The following MYOM1 variants were observed in gnomAD, a reference collection of about 807,000 sequenced individuals.
The protein encoded by MYOM1 is myomesin 1.
Under a neutral mutation model 205.3 loss-of-function variants are expected in MYOM1, and 164 were observed. That is an observed-to-expected ratio of 0.80 (90% CI 0.70 to 0.91). The LOEUF (loss-of-function observed/expected upper bound fraction) is 0.91. Ranked by LOEUF, MYOM1 falls within the 40% of genes least tolerant of loss-of-function variation. MYOM1 has a pLI of 0.00. For missense variants in MYOM1, 2,011 were observed against 2,127.3 expected (o/e 0.95, Z 1.08); for synonymous variants, 772 against 789.4 (o/e 0.98, Z 0.37).
In MYOM1 at chr18:3,152,235, C is replaced by T. The variant is rs1567936851; in HGVS notation, c.1644-342G>A. ...TGGAGAAGATCCCCAAACATCTCCC[C>T]GGCTGATGCCTTCAATTCTACCATT... On this transcript the variant is annotated intron_variant, in intron 11 of 37. Coordinates refer to ENST00000356443, the MANE Select transcript of MYOM1 (RefSeq NM_003803.4). The surrounding 1 kb of genome is among the most constrained non-coding windows in gnomAD (Gnocchi z 4.3). Among the ~76,000 whole-genome samples the T allele has an allele frequency of 6.6e-6, 1 of 152,142 alleles. No individual in the cohort carries two copies. The highest frequency in any genetic ancestry group is 2.4e-5 in the African/African-American group (1 of 41,432).
chr18:3,201,557 TAA>T (rs1598766736), intron 2 of MYOM1, among the ~76,000 whole-genome samples: 2 of 152,022 alleles, frequency 1.3e-5, no homozygotes, highest in Middle Eastern at 3.2e-3. Flanking sequence ...TATATGTATA[TAA>T]GTTTATACAC....
At chr18:3,144,765 A>G (rs2080101555) in intron 13 of MYOM1, among the ~76,000 whole-genome samples, 1 of 152,208 alleles carries the variant, frequency 6.6e-6, no homozygotes, top group South Asian at 2.1e-4. Flanking sequence ...TGGTCAATTC[A>G]TAAGAGGATA....
the MYOM1 span, among the ~76,000 whole-genome samples, chr18:3,229,593 C>A: frequency 7.2e-5 from 11 of 152,278 alleles, no homozygotes; most frequent in Non-Finnish European, 1.2e-4. Context: ...ATAATGTCAT[C>A]AACCAAATAT....
chr18:3,099,728 C>A (rs1368368675), intron 25 of MYOM1, among the ~76,000 whole-genome samples: 3 of 152,202 alleles, frequency 2.0e-5, no homozygotes, highest in African/African-American at 7.2e-5. Flanking sequence ...ATGGTAGGCA[C>A]TGTCTTTATA....
At chr18:3,231,516 A>G in the MYOM1 span, among the ~76,000 whole-genome samples, 2 of 145,862 alleles carry the variant, frequency 1.4e-5, no homozygotes, top group Non-Finnish European at 3.0e-5. Flanking sequence ...AGTCATGTGT[A>G]TCCCTAAAAT....
chr18:3,131,339 AT>A (rs2079872578), intron 17 of MYOM1, 35 bp downstream of exon 17: 2 of 1,606,798 alleles, frequency 1.2e-6, no homozygotes, highest in South Asian at 2.2e-5. Flanking sequence ...AGAAAAATCC[AT>A]TTTTCCCCCA....
At chr18:3,109,953 G>C (rs1412949243) in intron 22 of MYOM1, among the ~76,000 whole-genome samples, 1 of 151,978 alleles carries the variant, frequency 6.6e-6, no homozygotes, top group Non-Finnish European at 1.5e-5. Flanking sequence ...AGAACTCCTG[G>C]TATCCTAATG....
intron 37 of MYOM1, 148 bp from the exon 38 acceptor site, chr18:3,067,703 G>A (rs2078913617): frequency 1.3e-6 from 1 of 788,036 alleles, no homozygotes; most frequent in Non-Finnish European, 2.0e-6. Context: ...TTCTGTGTAT[G>A]CACCTGTGTG....
rs1432810044 is a variant in MYOM1 at position 3,147,151 on chromosome 18, T to A, written c.1900+1994A>T. ...TATATATTATAGATAAATATATATA[T>A]TATATAGAAATATATATATATAAAA... On this transcript the variant is annotated intron_variant, in intron 13 of 37. Transcript: ENST00000356443. 8.0e-5 allele frequency among the ~76,000 whole-genome samples: 9 copies of A among 112,896 alleles called. No homozygotes were observed. In the East Asian group the frequency reaches 1.2e-3, roughly 15 times the overall value. 74.1% of individuals were successfully genotyped at this position (112,896 alleles called of 152,430 possible).
chr18:3,165,031 C>A (rs1484072834), intron 9 of MYOM1, among the ~76,000 whole-genome samples: 1 of 152,044 alleles, frequency 6.6e-6, no homozygotes. Flanking sequence ...TTAGAAGGAC[C>A]TTTCTGCTGA....
At position 3,116,571 on chromosome 18, in the gene MYOM1, C is replaced by T; in HGVS notation, c.3119-56G>A. ...TCATAACAGAGAAAACTCGTCTCCA[C>T]ACGTTTAGAACCACTTGTAAGTCTT... On this transcript the variant is annotated intron_variant, in intron 20 of 37. Coordinates refer to ENST00000356443, the MANE Select transcript of MYOM1 (RefSeq NM_003803.4). 4 of 1,455,330 alleles carry T rather than the reference C, an allele frequency of 2.7e-6. No individual in the cohort carries two copies. The South Asian group carries it at 6.0e-5, about 22-fold the overall frequency. The allele number at this position is 1,455,330 out of a possible 1,614,324, so 90.2% of individuals were successfully genotyped here.
In MYOM1 at chr18:3,067,416, C is replaced by A. The variant is rs771111256; in HGVS notation, c.4904G>T (p.Gly1635Val). The change falls in exon 38 of 38, where the codon GGC (glycine) becomes GTC (valine). Residue 1635 changes from glycine to valine, a missense_variant. Transcript: ENST00000356443. The stretch of plus-strand genomic sequence containing the variant: ...TTTGCCCGAGTCAGCGGTGCTCACG[C>A]CGTTGATGGTGAAGTACGCGGTCCT... ...AGRTAYFTIN[G>V]VSTADSGKYG... 6.2e-7 allele frequency: 1 copy of A among 1,613,554 alleles called. No individual in the cohort carries two copies. The highest frequency in any genetic ancestry group is 8.5e-7 in the Non-Finnish European group (1 of 1,179,910).
At chr18:3,081,518 AAT>A (rs773643155) in intron 33 of MYOM1, among the ~76,000 whole-genome samples, 7 of 152,234 alleles carry the variant, frequency 4.6e-5, no homozygotes, top group Non-Finnish European at 8.8e-5. Context: ...TTGCTGGCCT[AAT>A]AGCAATTTCC....
chr18:3,161,500 A>G lies in MYOM1; in HGVS notation c.1501+2778T>C, dbSNP rs2080390719. ...ACTAAGCAGAAGTGATGAGGGCACTAAGCAGAAGTGATGAGGGCAATTCGG... is the reference window on the plus strand; with the variant it reads ...ACTAAGCAGAAGTGATGAGGGCACTGAGCAGAAGTGATGAGGGCAATTCGG... On this transcript the variant is annotated intron_variant, in intron 10 of 37. Transcript: ENST00000356443. Among the ~76,000 whole-genome samples the G allele has an allele frequency of 3.3e-5, 5 of 152,176 alleles. No homozygotes were observed. The South Asian group carries it at 1.0e-3, about 31-fold the overall frequency.
intron 26 of MYOM1, 39 bp downstream of exon 26, chr18:3,094,131 C>T (rs1465515825): frequency 6.2e-7 from 1 of 1,606,616 alleles, no homozygotes. Context: ...GTGTATTCTA[C>T]AATGATACAT....
At position 3,066,964 on chromosome 18, in the gene MYOM1, C is replaced by T. The variant is rs1443787384; in HGVS notation, c.*298G>A. On this transcript the variant is annotated 3_prime_UTR_variant, in exon 38 of 38. Coordinates refer to ENST00000356443, the MANE Select transcript of MYOM1 (RefSeq NM_003803.4). ...ATCCCAATTCGCCCCACGACACATT[C>T]GTCTGCCCTCTGACCATCATTCAAT... The T allele has an allele frequency of 1.1e-5, 4 of 353,670 alleles. No homozygotes were observed. Among genetic ancestry groups the T allele is most frequent in the Non-Finnish European group, 1.6e-5 (3 of 189,008 alleles). The allele number at this position is 353,670 out of a possible 1,614,324, so 21.9% of individuals were successfully genotyped here.
At chr18:3,115,282 T>A (rs76813348) in intron 21 of MYOM1, among the ~76,000 whole-genome samples, 1 of 152,134 alleles carries the variant, frequency 6.6e-6, no homozygotes, top group South Asian at 2.1e-4. Context: ...GGAGAGCTGA[T>A]TGGCATATGC....
chr18:3,197,380 C>T (rs537096506), intron 2 of MYOM1, among the ~76,000 whole-genome samples: 7 of 152,042 alleles, frequency 4.6e-5, no homozygotes, highest in Non-Finnish European at 8.8e-5. Context: ...TCAGGTGATC[C>T]GCCTGCCTTG....
intron 22 of MYOM1, among the ~76,000 whole-genome samples, chr18:3,104,463 G>T (rs898796897): frequency 6.6e-6 from 1 of 152,024 alleles, no homozygotes; most frequent in Non-Finnish European, 1.5e-5. Context: ...TACATTAGAG[G>T]TATGACAAGT....
Sources: gnomAD v4.1 joint callset for allele counts (sites outside exome capture counted in the v4.1 genomes callset) on GRCh38, gnomAD v4.1.1 for gene constraint, Gnocchi (gnomAD v3.1) non-coding constraint, MANE v1.5 for transcripts, NCBI Gene and HGNC (gene_info 2026-07-23, HGNC 2026-07-21) for gene names.